Variants in LHX5 observed in about 807,000 individuals in gnomAD.
LHX5 encodes the protein LIM/homeobox protein Lhx5.
Under a neutral mutation model 30.6 loss-of-function variants are expected in LHX5, and 5 were observed. That is an observed-to-expected ratio of 0.16 (90% CI 0.09 to 0.34). The LOEUF is 0.34. Ranked by LOEUF, LHX5 falls within the 10% of genes least tolerant of loss-of-function variation. The pLI is 1.00. For synonymous variants in LHX5, 266 were observed against 252.6 expected, an observed-to-expected ratio of 1.05 and a Z score of -0.50; for missense variants, 458 against 570.6, an observed-to-expected ratio of 0.80 and a Z score of 2.01.
chr12:113,466,007 C>T lies in LHX5; in HGVS notation c.841+1249G>A, dbSNP rs865953193. 6.6e-6 allele frequency among the ~76,000 whole-genome samples: 1 copy of T among 152,192 alleles called. No homozygotes were observed. The highest frequency in any genetic ancestry group is 6.5e-5 in the Admixed American group (1 of 15,286). ...CCCACAATTTCTAGGGGCCCCGGTC[C>T]GGTCTCAAGGTCTAATCCCCCCTCA... On this transcript the variant is annotated intron_variant, in intron 4 of 4. Transcript: ENST00000261731. The surrounding 1 kb of genome is among the most constrained non-coding windows in gnomAD (Gnocchi z 6.5).
Position 113,463,198 on chromosome 12 carries a change from C to A in LHX5, c.1201G>T (p.Val401Leu), listed in dbSNP as rs748221055. ...HPNPELNEAA[V>L]W Reference sequence around the variant, plus strand: ...GGGGCGGCCCGGCGGCCTTACCACACGGCGGCTTCGTTGAGCTCGGGGTTG... The same window carrying A: ...GGGGCGGCCCGGCGGCCTTACCACAAGGCGGCTTCGTTGAGCTCGGGGTTG... Residue 401 changes from valine to leucine, a missense_variant, in exon 5 of 5, where the codon GTG becomes TTG. This residue lies in a region of LHX5 where 255 missense variants were observed against 246.8 expected (regional missense o/e 1.03). Transcript: ENST00000261731. This position sits in a 1 kb window ranked among gnomAD's most constrained non-coding sequence, Gnocchi z 6.7. 2.0e-6 allele frequency: 3 copies of A among 1,515,208 alleles called. No individual in the cohort carries two copies. Among genetic ancestry groups the A allele is most frequent in the African/African-American group, 1.4e-5 (1 of 69,440 alleles). The allele number at this position is 1,515,208 out of a possible 1,614,324, so 93.9% of individuals were successfully genotyped here.
chr12:113,463,588 C>G lies in LHX5; in HGVS notation c.842-31G>C. ...GAGGGGGAGCGGGAAGGAGACAGGGCGCGGTGAGAGAAGGCGAAGTAGGCG... is the reference window on the plus strand; with the variant it reads ...GAGGGGGAGCGGGAAGGAGACAGGGGGCGGTGAGAGAAGGCGAAGTAGGCG... On this transcript the variant is annotated intron_variant, in intron 4 of 4. Coordinates refer to ENST00000261731, the MANE Select transcript of LHX5 (RefSeq NM_022363.3). The surrounding 1 kb of genome is among the most constrained non-coding windows in gnomAD (Gnocchi z 6.7). 6.7e-7 allele frequency: 1 copy of G among 1,485,252 alleles called. No homozygotes were observed. The highest frequency in any genetic ancestry group is 8.9e-7 in the Non-Finnish European group (1 of 1,123,986). 92.0% of individuals were successfully genotyped at this position (1,485,252 alleles called of 1,614,324 possible). A position where few individuals can be genotyped will look rare whatever the true frequency, so the allele number is the denominator to read the frequency against.
rs751847144 is a variant in LHX5, at chr12:113,471,546, C to T, written c.-48G>A. 1.3e-6 allele frequency: 2 copies of T among 1,525,582 alleles called. No homozygotes were observed. Among genetic ancestry groups the T allele is most frequent in the South Asian group, 1.2e-5 (1 of 82,582 alleles). The allele number at this position is 1,525,582 out of a possible 1,614,324, so 94.5% of individuals were successfully genotyped here. A position where few individuals can be genotyped will look rare whatever the true frequency, so the allele number is the denominator to read the frequency against. ...GGCCGCCTTGCCCTCCCTTTGGGCC[C>T]CTGGCCCTCGGGCCTGCCGGGCCCT... On this transcript the variant is annotated 5_prime_UTR_variant, in exon 1 of 5. Transcript: ENST00000261731.
At position 113,471,764 on chromosome 12, in the gene LHX5, G is replaced by GT. The variant is rs1169838690; in HGVS notation, c.-267dup. ...CGGCGCCTGTTCCGGGCTTCCCCAG[G>GT]TATCTCGGGTGGCTGCTGGCCTCGG... is the stretch of plus-strand genomic sequence containing the variant. On this transcript the variant is annotated 5_prime_UTR_variant, in exon 1 of 5. Coordinates refer to ENST00000261731, the MANE Select transcript of LHX5 (RefSeq NM_022363.3). 2.2e-6 allele frequency: 1 copy of GT among 452,622 alleles called. No homozygotes were observed. The highest frequency in any genetic ancestry group is 3.9e-6 in the Non-Finnish European group (1 of 257,896). 28.0% of individuals were successfully genotyped at this position (452,622 alleles called of 1,614,324 possible).
intron 1 of LHX5, among the ~76,000 whole-genome samples, chr12:113,470,855 C>T (rs1958245341): frequency 6.6e-6 from 1 of 152,226 alleles, no homozygotes; most frequent in Non-Finnish European, 1.5e-5. Flanking sequence ...CAGGGGAGAC[C>T]TTCCTCGCTG....
Position 113,471,636 on chromosome 12 carries a change from C to T in LHX5, c.-138G>A. The T allele has an allele frequency of 1.2e-6, 1 of 828,062 alleles. No homozygotes were observed. The highest frequency in any genetic ancestry group is 1.8e-5 in the South Asian group (1 of 54,472). 51.3% of individuals were successfully genotyped at this position (828,062 alleles called of 1,614,324 possible). The stretch of plus-strand genomic sequence containing the variant: ...AGTCTGGTCCGGACCAAGACTCAGC[C>T]GGTCCAGTCCTTGGGCAATCTCTGG... On this transcript the variant is annotated 5_prime_UTR_variant, in exon 1 of 5. Transcript: ENST00000261731.
rs1373602594 is a variant in LHX5 at position 113,467,634 on chromosome 12, CGACTCATAAA to C, written c.676-223_676-214del. Among the ~76,000 whole-genome samples the C allele has an allele frequency of 1.3e-5, 2 of 152,326 alleles. No individual in the cohort carries two copies. The highest frequency in any genetic ancestry group is 4.1e-4 in the South Asian group (2 of 4,822). On this transcript the variant is annotated intron_variant, in intron 3 of 4. Transcript: ENST00000261731. This position sits in a 1 kb window ranked among gnomAD's most constrained non-coding sequence, Gnocchi z 6.3. ...TGAAGGATTTCGCGGACCCGTGGGG[CGACTCATAAA>C]GACTTGGGCTTCCTGGTCCCCGGCT... is the stretch of plus-strand genomic sequence containing the variant.
chr12:113,463,567 G>C lies in LHX5; in HGVS notation c.842-10C>G. On this transcript the variant is annotated splice_polypyrimidine_tract_variant and intron_variant, in intron 4 of 4. Transcript: ENST00000261731. This position sits in a 1 kb window ranked among gnomAD's most constrained non-coding sequence, Gnocchi z 6.7. ...TAGTCGCCTTGGTAGTCTGCGGAGG[G>C]GGAGCGGGAAGGAGACAGGGCGCGG... The C allele has an allele frequency of 6.6e-7, 1 of 1,517,158 alleles. No homozygotes were observed. Among genetic ancestry groups the C allele is most frequent in the African/African-American group, 1.4e-5 (1 of 71,206 alleles). The allele number at this position is 1,517,158 out of a possible 1,614,324, so 94.0% of individuals were successfully genotyped here. A position where few individuals can be genotyped will look rare whatever the true frequency, so the allele number is the denominator to read the frequency against.
Position 113,467,519 on chromosome 12 carries a change from G to A in LHX5, c.676-98C>T, listed in dbSNP as rs1958222354. 8.8e-7 allele frequency: 1 copy of A among 1,139,946 alleles called. No homozygotes were observed. The highest frequency in any genetic ancestry group is 1.2e-6 in the Non-Finnish European group (1 of 852,290). The allele number at this position is 1,139,946 out of a possible 1,614,324, so 70.6% of individuals were successfully genotyped here. Reference sequence around the variant, plus strand: ...TGGGCTGCCCCTGCTGGGTCCTTGCGCCTCTTCCGCACCAGGACTCCCCCG... The same window carrying A: ...TGGGCTGCCCCTGCTGGGTCCTTGCACCTCTTCCGCACCAGGACTCCCCCG... On this transcript the variant is annotated intron_variant, in intron 3 of 4. Coordinates refer to ENST00000261731, the MANE Select transcript of LHX5 (RefSeq NM_022363.3). The surrounding 1 kb of genome is among the most constrained non-coding windows in gnomAD (Gnocchi z 6.3).
In LHX5 at chr12:113,471,565, G is replaced by C. The variant is rs1958252146; in HGVS notation, c.-67C>G. On this transcript the variant is annotated 5_prime_UTR_variant, in exon 1 of 5. Transcript: ENST00000261731. ...TGGGCCCCTGGCCCTCGGGCCTGCC[G>C]GGCCCTCCGCTGCCCTTCGCCTCTT... The C allele has an allele frequency of 2.8e-6, 4 of 1,449,590 alleles. No individual in the cohort carries two copies. The highest frequency in any genetic ancestry group is 1.4e-5 in the African/African-American group (1 of 70,222). 89.8% of individuals were successfully genotyped at this position (1,449,590 alleles called of 1,614,324 possible).
rs192197392 is a variant in LHX5, at chr12:113,464,712, T to C, written c.842-1155A>G. ...CAGCACCCCCAGGTTCTGAAGCATC[T>C]GAGGACATTGAGATCTTTTGAGAAG... On this transcript the variant is annotated intron_variant, in intron 4 of 4. Transcript: ENST00000261731. This position sits in a 1 kb window ranked among gnomAD's most constrained non-coding sequence, Gnocchi z 6.2. Among the ~76,000 whole-genome samples, 181 of 152,300 alleles carry C rather than the reference T, an allele frequency of 1.2e-3. 2 individuals are homozygous for C. Among genetic ancestry groups the C allele is most frequent in the Non-Finnish European group, 2.3e-3 (157 of 68,016 alleles).
intron 2 of LHX5, 103 bp from the exon 3 acceptor site, chr12:113,468,507 A>G (rs1018524852): frequency 7.2e-7 from 1 of 1,379,798 alleles, no homozygotes; most frequent in Non-Finnish European, 9.7e-7. Context: ...CGGCCTGCCC[A>G]GGCTACGGCC....
chr12:113,469,496 G>A, intron 1 of LHX5, 151 bp from the exon 2 acceptor site: 1 of 672,260 alleles, frequency 1.5e-6, no homozygotes, highest in South Asian at 1.9e-5. Context: ...TGGCCAGAGT[G>A]GGAGAAGTGG....
intron 1 of LHX5, among the ~76,000 whole-genome samples, chr12:113,469,794 G>A (rs1051526252): frequency 8.5e-5 from 13 of 152,234 alleles, no homozygotes; most frequent in Non-Finnish European, 1.2e-4. Flanking sequence ...TGCCTAGCTA[G>A]GGCCAATCTG....
rs112362516 is a variant in LHX5, at chr12:113,464,692, C to A, written c.842-1135G>T. Among the ~76,000 whole-genome samples, 32 of 152,208 alleles carry A rather than the reference C, an allele frequency of 2.1e-4. No homozygotes were observed. The highest frequency in any genetic ancestry group is 4.0e-4 in the Non-Finnish European group (27 of 68,012). On this transcript the variant is annotated intron_variant, in intron 4 of 4. Transcript: ENST00000261731. The surrounding 1 kb of genome is among the most constrained non-coding windows in gnomAD (Gnocchi z 6.2). ...TTGCCCCGGGTTGGTTTTGCCAGCA[C>A]CCCCAGGTTCTGAAGCATCTGAGGA...
rs1380212054 is a variant in LHX5 at position 113,462,038 on chromosome 12, GAA to G, written c.*1150_*1151del. On this transcript the variant is annotated 3_prime_UTR_variant, in exon 5 of 5. Transcript: ENST00000261731. ...AAAAGAAAACCACACAGCGCTGAGG[GAA>G]AAAAGATTTTTTTTTATTAATCTTT... The G allele has an allele frequency of 6.6e-6, 1 of 151,954 alleles. No individual in the cohort carries two copies. The allele number at this position is 151,954 out of a possible 1,614,324, so 9.4% of individuals were successfully genotyped here. A position where few individuals can be genotyped will look rare whatever the true frequency, so the allele number is the denominator to read the frequency against.
In LHX5 at chr12:113,463,439, C is replaced by A; in HGVS notation, c.960G>T (p.Ser320=). The change falls in exon 5 of 5, where the codon TCG becomes TCT. Residue 320 remains serine, a synonymous_variant. Transcript: ENST00000261731. The surrounding 1 kb of genome is among the most constrained non-coding windows in gnomAD (Gnocchi z 6.7). ...SSFLAASGPG[S]TPLGALEPPL... is the part of the protein sequence containing the mutation. ...GCGGTTCCAGCGCTCCCAGCGGCGT[C>A]GAGCCGGGGCCAGAGGCCGCCAGGA... 17 of 1,554,128 alleles carry A rather than the reference C, an allele frequency of 1.1e-5. No individual in the cohort carries two copies. The highest frequency in any genetic ancestry group is 1.4e-5 in the Non-Finnish European group (16 of 1,153,154).
At chr12:113,471,304 G>C (rs1216691286) in intron 1 of LHX5, 22 bp downstream of exon 1, 16 of 1,611,686 alleles carry the variant, frequency 9.9e-6, no homozygotes, top group Non-Finnish European at 1.4e-5. Flanking sequence ...CGCGCAGGCA[G>C]CAGAGCGGCG....
Position 113,467,436 on chromosome 12 carries a change from G to A in LHX5, c.676-15C>T. On this transcript the variant is annotated splice_polypyrimidine_tract_variant and intron_variant, in intron 3 of 4. Coordinates refer to ENST00000261731, the MANE Select transcript of LHX5 (RefSeq NM_022363.3). The surrounding 1 kb of genome is among the most constrained non-coding windows in gnomAD (Gnocchi z 6.3). ...TGAAACCACACCTGGGACAGAGGAG[G>A]GGGCTGTGAACCCAGGATCAGGAGT... 1.3e-6 allele frequency: 2 copies of A among 1,508,914 alleles called. No individual in the cohort carries two copies. The highest frequency in any genetic ancestry group is 1.3e-5 in the South Asian group (1 of 77,172). 93.5% of individuals were successfully genotyped at this position (1,508,914 alleles called of 1,614,324 possible). A position where few individuals can be genotyped will look rare whatever the true frequency, so the allele number is the denominator to read the frequency against.
Sources: allele counts gnomAD v4.1 joint callset (sites outside exome capture counted in the v4.1 genomes callset), GRCh38; gene constraint gnomAD v4.1.1; regional missense constraint gnomAD v4.1.1; non-coding constraint Gnocchi (gnomAD v3.1); transcripts MANE v1.5; gene names NCBI Gene and HGNC (gene_info 2026-07-23, HGNC 2026-07-21).